Variants in SLC5A8 observed in about 807,000 individuals in gnomAD.
SLC5A8 encodes solute carrier family 5 member 8.
SLC5A8 carries 55 observed loss-of-function variants against 71.9 expected under a neutral mutation model. That is an observed-to-expected ratio of 0.77 (90% CI 0.62 to 0.96). The LOEUF (loss-of-function observed/expected upper bound fraction) is 0.96, where lower values mean the gene tolerates loss of function less well. SLC5A8 is among the 40% of genes least tolerant of loss of function. The pLI is 0.00. For synonymous variants in SLC5A8, 307 were observed against 276.1 expected (o/e 1.11, Z -1.11); for missense variants, 701 against 745.3 (o/e 0.94, Z 0.69).
At chr12:101,201,791 C>G (rs17410881) in intron 3 of SLC5A8, among the ~76,000 whole-genome samples, 14,387 of 152,140 alleles carry the variant, frequency 0.095, 784 homozygotes, top group Non-Finnish European at 0.12. Context: ...TTACAACAGG[C>G]CTGAGCAGAA....
rs1432792190 is a variant in SLC5A8, at chr12:101,209,664, G to C, written c.185C>G (p.Thr62Ser). Residue 62 changes from threonine to serine, a missense_variant, in exon 1 of 15, where the codon ACC (threonine) becomes AGC (serine). Transcript: ENST00000536262. ...AGTGACGGCTGACATGAAGCTAGCG[G>C]TGAGGGACAGCGCCACGGGCACTGC... Reference protein sequence around the residue: ...MTAVPVALSLTASFMSAVTVL... With the variant: ...MTAVPVALSLSASFMSAVTVL... The C allele has an allele frequency of 1.2e-6, 2 of 1,613,902 alleles. No homozygotes were observed. Among genetic ancestry groups the C allele is most frequent in the Non-Finnish European group, 1.7e-6 (2 of 1,180,042 alleles).
In SLC5A8 at chr12:101,203,416, C is replaced by T. The variant is rs148427526; in HGVS notation, c.417+1084G>A. On this transcript the variant is annotated intron_variant, in intron 2 of 14. Transcript: ENST00000536262. ...AGGCTGGGGTGCAATGGCATGATCT[C>T]GGCTCACTACAACTTCTGCCTCCTG... Among the ~76,000 whole-genome samples the T allele has an allele frequency of 7.2e-3, 1,103 of 152,176 alleles. 11 individuals are homozygous for T. Among genetic ancestry groups the T allele is most frequent in the African/African-American group, 0.025 (1,021 of 41,518 alleles).
At chr12:101,204,625 C>G in intron 1 of SLC5A8, 60 bp from the exon 2 acceptor site, 1 of 1,176,886 alleles carries the variant, frequency 8.5e-7, no homozygotes, top group Admixed American at 2.3e-5. Flanking sequence ...ATCAGCAGCT[C>G]AAGAAGAAAA....
chr12:101,202,273 G>T, intron 2 of SLC5A8, 58 bp from the exon 3 acceptor site: 1 of 1,385,632 alleles, frequency 7.2e-7, no homozygotes, highest in Admixed American at 2.5e-5. Flanking sequence ...CATGAATTAC[G>T]TCTGAGTTAT....
chr12:101,207,876 G>T (rs1047123370), intron 1 of SLC5A8, among the ~76,000 whole-genome samples: 1 of 151,968 alleles, frequency 6.6e-6, no homozygotes, highest in Non-Finnish European at 1.5e-5. Flanking sequence ...TTTTGATAAA[G>T]ACATAAATGC....
intron 6 of SLC5A8, among the ~76,000 whole-genome samples, chr12:101,189,990 C>T (rs1868826654): frequency 6.6e-6 from 1 of 152,188 alleles, no homozygotes; most frequent in Non-Finnish European, 1.5e-5. Context: ...CCCAGGATCA[C>T]TCAAATAGCA....
intron 5 of SLC5A8, among the ~76,000 whole-genome samples, chr12:101,193,083 T>G (rs2137158385): frequency 6.6e-6 from 1 of 151,702 alleles, no homozygotes; most frequent in East Asian, 1.9e-4. Context: ...GCAATTATCC[T>G]GCCTCAGCTT....
Position 101,210,180 on chromosome 12 carries a change from GGAGC to G in SLC5A8, c.-336_-333del. 3.3e-6 allele frequency: 1 copy of G among 301,126 alleles called. No individual in the cohort carries two copies. Among genetic ancestry groups the G allele is most frequent in the Non-Finnish European group, 6.0e-6 (1 of 165,306 alleles). The allele number at this position is 301,126 out of a possible 1,614,324, so 18.7% of individuals were successfully genotyped here. ...GGGGACACCTGAGCAGATGAGAACT[GGAGC>G]CTCCAGCTGCTTCCAGCGAATCTAC... On this transcript the variant is annotated 5_prime_UTR_variant, in exon 1 of 15. Coordinates refer to ENST00000536262, the MANE Select transcript of SLC5A8 (RefSeq NM_145913.5).
intron 3 of SLC5A8, among the ~76,000 whole-genome samples, chr12:101,201,431 C>G (rs1204464463): frequency 2.6e-5 from 4 of 152,206 alleles, no homozygotes; most frequent in Non-Finnish European, 4.4e-5. Flanking sequence ...CTTCCCATCA[C>G]AGAGTCCACA....
intron 6 of SLC5A8, among the ~76,000 whole-genome samples, chr12:101,188,661 G>A (rs577088267): frequency 6.6e-6 from 1 of 152,236 alleles, no homozygotes; most frequent in South Asian, 2.1e-4. Context: ...TACATATAGC[G>A]ATTCTCTGAT....
rs2671444 is a variant in SLC5A8, at chr12:101,158,297, G to A, written c.1662C>T (p.Tyr554=). The A allele has an allele frequency of 0.66, 1,033,345 of 1,572,808 alleles. 344,493 individuals carry two copies. The highest frequency in any genetic ancestry group is 0.87 in the African/African-American group (64,182 of 73,388). Residue 554 remains tyrosine (Y), a synonymous_variant, in exon 14 of 15, where the codon TAC becomes TAT. Coordinates refer to ENST00000536262, the MANE Select transcript of SLC5A8 (RefSeq NM_145913.5). ...ATAAAAAGTCCTCTTTGGTTAGTAT[G>A]TATCTGGGGTCTAAGTTCTGTTTTC... ...GGRKQNLDPR[Y]ILTKEDFLSN...
intron 10 of SLC5A8, among the ~76,000 whole-genome samples, chr12:101,171,274 G>C (rs570116235): frequency 6.6e-6 from 1 of 152,284 alleles, no homozygotes; most frequent in Non-Finnish European, 1.5e-5. Context: ...TGGAAATCTG[G>C]TTGGAAATCC....
At chr12:101,176,127 T>C (rs1210596346) in intron 10 of SLC5A8, among the ~76,000 whole-genome samples, 1 of 151,980 alleles carries the variant, frequency 6.6e-6, no homozygotes, top group Non-Finnish European at 1.5e-5. Flanking sequence ...TATAGCAACA[T>C]AGGTGGTTCA....
chr12:101,205,536 C>A (rs970388251), intron 1 of SLC5A8, among the ~76,000 whole-genome samples: 1 of 152,102 alleles, frequency 6.6e-6, no homozygotes, highest in Non-Finnish European at 1.5e-5. Context: ...TTAAGGCTGA[C>A]AACAATCTTC....
intron 10 of SLC5A8, among the ~76,000 whole-genome samples, chr12:101,170,305 A>C (rs761220052): frequency 2.0e-5 from 3 of 152,198 alleles, no homozygotes; most frequent in Non-Finnish European, 4.4e-5. Context: ...TTTTTTAATG[A>C]AGTATTTCTA....
At chr12:101,198,284 A>G (rs1869279886) in intron 3 of SLC5A8, among the ~76,000 whole-genome samples, 1 of 151,964 alleles carries the variant, frequency 6.6e-6, no homozygotes, top group Admixed American at 6.5e-5. Flanking sequence ...AGTTATTAGA[A>G]GAAAAGAAAC....
rs376937459 is a variant in SLC5A8 at position 101,170,794 on chromosome 12, A to C, written c.1234-2612T>G. On this transcript the variant is annotated intron_variant, in intron 10 of 14. Coordinates refer to ENST00000536262, the MANE Select transcript of SLC5A8 (RefSeq NM_145913.5). ...CTGCTGGCAATGACATGGGAGGCCT[A>C]GTGGAGAATCGGGACTTTCACCATG... Among the ~76,000 whole-genome samples the C allele has an allele frequency of 2.5e-4, 38 of 152,262 alleles. 1 individual carries two copies. In the South Asian group the frequency reaches 5.8e-3, roughly 23 times the overall value.
intron 12 of SLC5A8, among the ~76,000 whole-genome samples, chr12:101,162,904 A>G (rs2051737126): frequency 6.6e-6 from 1 of 152,214 alleles, no homozygotes; most frequent in African/African-American, 2.4e-5. Flanking sequence ...AAATTAATAA[A>G]TATAATAATT....
intron 6 of SLC5A8, among the ~76,000 whole-genome samples, chr12:101,190,001 A>T (rs1445950265): frequency 6.6e-6 from 1 of 152,238 alleles, no homozygotes; most frequent in East Asian, 1.9e-4. Flanking sequence ...TCAAATAGCA[A>T]ATATTAGAGC....
Sources: gnomAD v4.1 joint callset for allele counts (sites outside exome capture counted in the v4.1 genomes callset) on GRCh38, gnomAD v4.1.1 for gene constraint, MANE v1.5 for transcripts, NCBI Gene and HGNC (gene_info 2026-07-23, HGNC 2026-07-21) for gene names.